The following HDAC4 variants were observed in gnomAD, a reference collection of about 807,000 sequenced individuals.
HDAC4 encodes the protein histone deacetylase 4.
HDAC4 carries 16 observed loss-of-function variants against 135.1 expected under a neutral mutation model. That is an observed-to-expected ratio of 0.12 (90% CI 0.08 to 0.18). The LOEUF (loss-of-function observed/expected upper bound fraction) is 0.18, where lower values mean the gene tolerates loss of function less well. Ranked by LOEUF, HDAC4 falls within the 10% of genes least tolerant of loss-of-function variation. The pLI is 1.00. For missense variants in HDAC4, 1,143 were observed against 1,511.8 expected, an observed-to-expected ratio of 0.76 and a Z score of 4.05; for synonymous variants, 685 against 653.4, an observed-to-expected ratio of 1.05 and a Z score of -0.74.
At position 239,307,777 on chromosome 2, in the gene HDAC4, C is replaced by T. The variant is rs112299384; in HGVS notation, c.22+44901G>A. 1.9e-4 allele frequency among the ~76,000 whole-genome samples: 29 copies of T among 152,150 alleles called. No individual in the cohort carries two copies. The highest frequency in any genetic ancestry group is 7.0e-4 in the African/African-American group (29 of 41,428). On this transcript the variant is annotated intron_variant, in intron 2 of 26. Transcript: ENST00000543185. The surrounding 1 kb of genome is among the most constrained non-coding windows in gnomAD (Gnocchi z 4.8). The stretch of plus-strand genomic sequence containing the variant: ...AACAAGCAAAATGGAATGAGGATGT[C>T]GGAGTGTTTCGTGCTTTCTTTCCAG...
chr2:239,192,831 T>A (rs888950522), intron 3 of HDAC4, among the ~76,000 whole-genome samples: 1 of 152,142 alleles, frequency 6.6e-6, no homozygotes. Flanking sequence ...CACCCATGGG[T>A]GAACCCATCG....
chr2:239,278,847 C>T (rs114771550), intron 2 of HDAC4, among the ~76,000 whole-genome samples: 286 of 152,124 alleles, frequency 1.9e-3, no homozygotes, highest in African/African-American at 6.2e-3. Context: ...GGGCCGGGGC[C>T]GGGAAGACCA....
chr2:239,271,850 C>T lies in HDAC4; in HGVS notation c.23-35186G>A, dbSNP rs1028677510. On this transcript the variant is annotated intron_variant, in intron 2 of 26. Transcript: ENST00000543185. Reference sequence around the variant, plus strand: ...TCCACCTGGAAGTTACACAGAGCTTCGAAATTTCCTGGAACTTGTGTTTCG... The same window carrying T: ...TCCACCTGGAAGTTACACAGAGCTTTGAAATTTCCTGGAACTTGTGTTTCG... 7.9e-5 allele frequency among the ~76,000 whole-genome samples: 12 copies of T among 152,300 alleles called. No individual in the cohort carries two copies. In the East Asian group the frequency reaches 2.3e-3, roughly 29 times the overall value.
At chr2:239,334,534 A>AAAT (rs1284795059) in intron 2 of HDAC4, among the ~76,000 whole-genome samples, 3 of 151,796 alleles carry the variant, frequency 2.0e-5, no homozygotes, top group Admixed American at 6.6e-5. Context: ...ACAAACAAAT[A>AAAT]AAAAAAAACT....
chr2:239,294,718 G>A lies in HDAC4; in HGVS notation c.22+57960C>T, dbSNP rs571261662. The stretch of plus-strand genomic sequence containing the variant: ...GAAGGGGAGCAGGTGGGCCTGCCTC[G>A]GAGGCCTCGGAGGCAGCACAGCCCA... On this transcript the variant is annotated intron_variant, in intron 2 of 26. Transcript: ENST00000543185. 1.2e-4 allele frequency among the ~76,000 whole-genome samples: 18 copies of A among 150,658 alleles called. No homozygotes were observed. In the East Asian group the frequency reaches 2.5e-3, roughly 21 times the overall value.
intron 2 of HDAC4, among the ~76,000 whole-genome samples, chr2:239,327,872 G>A (rs1254143079): frequency 2.0e-5 from 3 of 152,240 alleles, no homozygotes; most frequent in Non-Finnish European, 4.4e-5. Context: ...ATCCAGCAGA[G>A]GCCCCTGGAC....
intron 3 of HDAC4, among the ~76,000 whole-genome samples, chr2:239,204,404 C>A (rs764571618): frequency 6.6e-6 from 1 of 152,184 alleles, no homozygotes; most frequent in Non-Finnish European, 1.5e-5. Flanking sequence ...GTCTGTACTG[C>A]GGAGGGTTCG....
intron 24 of HDAC4, among the ~76,000 whole-genome samples, chr2:239,055,899 C>T (rs1273301961): frequency 6.6e-6 from 1 of 152,196 alleles, no homozygotes; most frequent in East Asian, 1.9e-4. Context: ...GCCAGCCTTG[C>T]TGGGGCTGGA....
intron 2 of HDAC4, among the ~76,000 whole-genome samples, chr2:239,273,554 C>T (rs2050171366): frequency 6.6e-6 from 1 of 152,170 alleles, no homozygotes. Flanking sequence ...AGGAATGAAG[C>T]TAGACAGCCA....
At position 239,389,870 on chromosome 2, in the gene HDAC4, G is replaced by A. The variant is rs150326944; in HGVS notation, c.-220+11108C>T. On this transcript the variant is annotated intron_variant, in intron 1 of 26. Transcript: ENST00000543185. Reference sequence around the variant, plus strand: ...GCACCCAGGCTGAGCCACTCGGTGCGCTCTGCACCCCGGTCACAGTGACTG... The same window carrying A: ...GCACCCAGGCTGAGCCACTCGGTGCACTCTGCACCCCGGTCACAGTGACTG... 3.4e-4 allele frequency among the ~76,000 whole-genome samples: 52 copies of A among 152,324 alleles called. No individual in the cohort carries two copies. In the East Asian group the frequency reaches 3.7e-3, roughly 11 times the overall value.
intron 1 of HDAC4, among the ~76,000 whole-genome samples, chr2:239,362,863 C>G (rs558117418): frequency 4.6e-5 from 7 of 152,184 alleles, no homozygotes; most frequent in Non-Finnish European, 1.0e-4. Context: ...AGGAAAATGT[C>G]ACTATTCACA....
intron 3 of HDAC4, among the ~76,000 whole-genome samples, chr2:239,233,275 T>C (rs1034653686): frequency 3.3e-5 from 5 of 152,180 alleles, no homozygotes; most frequent in Non-Finnish European, 7.3e-5. Context: ...GCATTTTGGC[T>C]TTTTCCTCCT....
Position 239,149,132 on chromosome 2 carries a change from A to T in HDAC4, c.734-4418T>A, listed in dbSNP as rs113128707. On this transcript the variant is annotated intron_variant, in intron 7 of 26. Transcript: ENST00000543185. The stretch of plus-strand genomic sequence containing the variant: ...AAAAGATAATTCTGGCCGGGCATGG[A>T]GGCTCATGCCTGTAATCCCAGCACT... Among the ~76,000 whole-genome samples the T allele has an allele frequency of 6.9e-3, 1,043 of 152,166 alleles. 17 individuals are homozygous for T. Among genetic ancestry groups the T allele is most frequent in the African/African-American group, 0.024 (978 of 41,532 alleles).
intron 6 of HDAC4, chr2:239,161,762 C>A: frequency 2.4e-6 from 1 of 422,678 alleles, no homozygotes. Flanking sequence ...ACACCCAGCT[C>A]ACCCAGGGAG....
rs576607816 is a variant in HDAC4 at position 239,050,838 on chromosome 2, G to A, written c.*2259C>T. 1.0e-4 allele frequency: 16 copies of A among 152,670 alleles called. No homozygotes were observed. The highest frequency in any genetic ancestry group is 3.3e-4 in the Admixed American group (5 of 15,302). The allele number at this position is 152,670 out of a possible 1,614,324, so 9.5% of individuals were successfully genotyped here. ...TGTCAGTTACTGTTGAAGAGAAAAA[G>A]AGTAAAGACTGGCTGTCCTGGTCAG... On this transcript the variant is annotated 3_prime_UTR_variant, in exon 27 of 27. Coordinates refer to ENST00000543185, the MANE Select transcript of HDAC4 (RefSeq NM_001378414.1).
chr2:239,168,074 T>C (rs1299198860), intron 5 of HDAC4, among the ~76,000 whole-genome samples: 1 of 152,234 alleles, frequency 6.6e-6, no homozygotes, highest in African/African-American at 2.4e-5. Context: ...AGGTTCTGCT[T>C]GGCTTCTGCC....
intron 22 of HDAC4, among the ~76,000 whole-genome samples, chr2:239,078,671 T>C (rs944249848): frequency 6.6e-6 from 1 of 152,218 alleles, no homozygotes; most frequent in Non-Finnish European, 1.5e-5. Flanking sequence ...AAAGGCACGT[T>C]CATCCTAAAG....
At chr2:239,140,419 G>C (rs918773556) in intron 8 of HDAC4, among the ~76,000 whole-genome samples, 1 of 152,086 alleles carries the variant, frequency 6.6e-6, no homozygotes, top group Admixed American at 6.6e-5. Context: ...CTTCCAAAAG[G>C]GGCCACGTCC....
intron 3 of HDAC4, among the ~76,000 whole-genome samples, chr2:239,205,576 G>T (rs1208054176): frequency 6.6e-6 from 1 of 152,098 alleles, no homozygotes; most frequent in African/African-American, 2.4e-5. Context: ...CATGGAGGTG[G>T]GCAGAGAAAG....
Sources: gnomAD v4.1 joint callset for allele counts (sites outside exome capture counted in the v4.1 genomes callset) on GRCh38, gnomAD v4.1.1 for gene constraint, Gnocchi (gnomAD v3.1) non-coding constraint, MANE v1.5 for transcripts, NCBI Gene and HGNC (gene_info 2026-07-23, HGNC 2026-07-21) for gene names.